CNTN4: variants seen among roughly 807,000 people sequenced by gnomAD.
The protein encoded by CNTN4 is contactin-4.
Under a neutral mutation model 122.5 loss-of-function variants are expected in CNTN4, and 77 were observed. The ratio of observed to expected loss-of-function variants is 0.63; its 90% CI spans 0.52 to 0.76. The LOEUF is 0.76. Ranked by LOEUF, CNTN4 falls within the 30% of genes least tolerant of loss-of-function variation. The pLI is 0.00. For synonymous variants in CNTN4, 512 were observed against 447.0 expected (o/e 1.15, Z -1.83); for missense variants, 1,256 against 1,259.1 (o/e 1.00, Z 0.04).
chr3:2,981,375 T>TGGC (rs1693983424), intron 13 of CNTN4, among the ~76,000 whole-genome samples: 12 of 150,556 alleles, frequency 8.0e-5, no homozygotes, highest in Admixed American at 5.3e-4. Context: ...ACCCAGGAGT[T>TGGC]GGAGCTTGCA....
chr3:3,043,769 A>C, intron 23 of CNTN4, 65 bp downstream of exon 23: 4 of 1,013,372 alleles, frequency 3.9e-6, no homozygotes, highest in Non-Finnish European at 6.2e-6. Context: ...CTCCTCCATG[A>C]ATTATACAGT....
chr3:2,479,987 T>C (rs1409720841), intron 3 of CNTN4, among the ~76,000 whole-genome samples: 1 of 152,116 alleles, frequency 6.6e-6, no homozygotes, highest in Non-Finnish European at 1.5e-5. Flanking sequence ...ATTAATGTAA[T>C]TCATCACATC....
intron 6 of CNTN4, among the ~76,000 whole-genome samples, chr3:2,790,306 G>C (rs566389009): frequency 1.9e-4 from 29 of 152,334 alleles, no homozygotes; most frequent in African/African-American, 6.5e-4. Context: ...GAACTGGAGA[G>C]AGAAAGGCAT....
chr3:2,848,775 A>G (rs73805416), intron 7 of CNTN4, among the ~76,000 whole-genome samples: 2,717 of 152,284 alleles, frequency 0.018, 85 homozygotes, highest in African/African-American at 0.062. Context: ...TGGCCTTTAT[A>G]TGCTAACTTG....
intron 2 of CNTN4, among the ~76,000 whole-genome samples, chr3:2,103,185 T>G (rs1030122440): frequency 3.3e-5 from 5 of 152,008 alleles, no homozygotes; most frequent in Non-Finnish European, 7.4e-5. Flanking sequence ...TAACAGCTTT[T>G]TTTTTTTTTG....
At chr3:2,428,449 G>T (rs988393180) in intron 3 of CNTN4, among the ~76,000 whole-genome samples, 4 of 152,200 alleles carry the variant, frequency 2.6e-5, no homozygotes, top group African/African-American at 9.6e-5. Flanking sequence ...TCAGCTGTTA[G>T]TCTGATGGGC....
chr3:2,713,053 A>T (rs1466861429), intron 4 of CNTN4, among the ~76,000 whole-genome samples: 1 of 152,204 alleles, frequency 6.6e-6, no homozygotes, highest in East Asian at 1.9e-4. Flanking sequence ...TAGCAAATTA[A>T]TTGAACCCAC....
intron 13 of CNTN4, among the ~76,000 whole-genome samples, chr3:2,944,196 C>T (rs2094648823): frequency 6.7e-6 from 1 of 150,116 alleles, no homozygotes; most frequent in Non-Finnish European, 1.5e-5. Context: ...GGTTTTTGTT[C>T]CACACCCTCA....
At chr3:2,901,885 T>C (rs929808144) in intron 11 of CNTN4, among the ~76,000 whole-genome samples, 2 of 152,180 alleles carry the variant, frequency 1.3e-5, no homozygotes, top group African/African-American at 4.8e-5. Context: ...TCTCACTGTC[T>C]GGATGCCATG....
intron 2 of CNTN4, among the ~76,000 whole-genome samples, chr3:2,308,187 C>T (rs910551306): frequency 1.2e-4 from 18 of 151,930 alleles, no homozygotes; most frequent in African/African-American, 3.6e-4. Context: ...TTGTTGATAA[C>T]GTAGTGGTTT....
intron 3 of CNTN4, among the ~76,000 whole-genome samples, chr3:2,345,475 T>C (rs1426722409): frequency 6.6e-6 from 1 of 152,170 alleles, no homozygotes; most frequent in African/African-American, 2.4e-5. Context: ...TTTTATGCTT[T>C]TCCTTATGGT....
At chr3:2,617,541 C>T (rs761590320) in intron 4 of CNTN4, among the ~76,000 whole-genome samples, 5 of 150,944 alleles carry the variant, frequency 3.3e-5, no homozygotes, top group Admixed American at 1.3e-4. Context: ...CTGCCTCAGC[C>T]TCCCAAGTAG....
At chr3:2,409,167 A>G (rs1379248138) in intron 3 of CNTN4, among the ~76,000 whole-genome samples, 1 of 151,454 alleles carries the variant, frequency 6.6e-6, no homozygotes, top group African/African-American at 2.4e-5. Context: ...ATTAAAGCAC[A>G]CTCATCTTGC....
chr3:2,156,209 G>A (rs2149147080), intron 2 of CNTN4, among the ~76,000 whole-genome samples: 1 of 152,316 alleles, frequency 6.6e-6, no homozygotes, highest in African/African-American at 2.4e-5. Context: ...CTGCCTCAGT[G>A]CTTCCATAAC....
chr3:2,813,283 C>G (rs1273488664), intron 6 of CNTN4, among the ~76,000 whole-genome samples: 1 of 152,174 alleles, frequency 6.6e-6, no homozygotes, highest in African/African-American at 2.4e-5. Context: ...TGATGTTCAT[C>G]TCCTTACTGA....
chr3:2,964,611 A>T lies in CNTN4; in HGVS notation c.1359-23734A>T, dbSNP rs577786927. Among the ~76,000 whole-genome samples, 7 of 152,312 alleles carry T rather than the reference A, an allele frequency of 4.6e-5. No individual in the cohort carries two copies. In the South Asian group the frequency reaches 1.5e-3, roughly 32 times the overall value. On this transcript the variant is annotated intron_variant, in intron 13 of 24. Transcript: ENST00000418658. ...TGTTTCTTATAAGCTCCCATATGTG[A>T]CATAGCTGCTGACCTCAAACCAAAC...
At chr3:2,998,726 C>T (rs1469782290) in intron 14 of CNTN4, among the ~76,000 whole-genome samples, 1 of 152,058 alleles carries the variant, frequency 6.6e-6, no homozygotes, top group Non-Finnish European at 1.5e-5. Context: ...CTAGCATATT[C>T]AGGGAAAATA....
chr3:2,187,485 C>T (rs896194663), intron 2 of CNTN4, among the ~76,000 whole-genome samples: 1 of 152,272 alleles, frequency 6.6e-6, no homozygotes, highest in East Asian at 1.9e-4. Flanking sequence ...TGAAGCACGC[C>T]TCTGCTATGG....
At chr3:2,366,045 C>A (rs2045363100) in intron 3 of CNTN4, among the ~76,000 whole-genome samples, 1 of 152,112 alleles carries the variant, frequency 6.6e-6, no homozygotes, top group Non-Finnish European at 1.5e-5. Context: ...AATATTTTAT[C>A]CATACCCAAC....
Sources: gnomAD v4.1 joint callset for allele counts (sites outside exome capture counted in the v4.1 genomes callset) on GRCh38, gnomAD v4.1.1 for gene constraint, MANE v1.5 for transcripts, NCBI Gene and HGNC (gene_info 2026-07-23, HGNC 2026-07-21) for gene names.